The following PCDH15 variants were observed in gnomAD, a reference collection of about 807,000 sequenced individuals.
PCDH15 encodes the protein protocadherin related 15.
PCDH15 carries 129 observed loss-of-function variants against 178.5 expected under a neutral mutation model. The ratio of observed to expected loss-of-function variants is 0.72; its 90% confidence interval spans 0.63 to 0.84. The LOEUF (loss-of-function observed/expected upper bound fraction) is 0.84. Ranked by LOEUF, PCDH15 falls within the 40% of genes least tolerant of loss-of-function variation. The pLI, the probability that PCDH15 is intolerant of heterozygous loss-of-function variation, is 0.00. For synonymous variants in PCDH15, 800 were observed against 732.0 expected, an observed-to-expected ratio of 1.09 and a Z score of -1.50; for missense variants, 2,230 against 2,099.9, an observed-to-expected ratio of 1.06 and a Z score of -1.21.
rs757991365 is a variant in PCDH15 at position 54,066,873 on chromosome 10, T to A, written c.2104A>T (p.Thr702Ser). Reference sequence around the variant, plus strand: ...ACATCTGTCACCACTATGTTTACTGTGGCAGTTGAGGTCTTAAAGAAAAAC... The same window carrying A: ...ACATCTGTCACCACTATGTTTACTGAGGCAGTTGAGGTCTTAAAGAAAAAC... ...DGRPDGTSTA[T>S]VNIVVTDVND... is the part of the protein sequence containing the mutation. Residue 702 changes from threonine to serine, a missense_variant, in exon 18 of 38, where the codon ACA becomes TCA. Coordinates refer to ENST00000644397, the MANE Select transcript of PCDH15 (RefSeq NM_001384140.1). 6.2e-7 allele frequency: 1 copy of A among 1,613,388 alleles called. No individual in the cohort carries two copies. Among genetic ancestry groups the A allele is most frequent in the African/African-American group, 1.3e-5 (1 of 75,032 alleles).
At chr10:54,288,051 T>G (rs2059147705) in intron 8 of PCDH15, among the ~76,000 whole-genome samples, 1 of 152,046 alleles carries the variant, frequency 6.6e-6, no homozygotes, top group Non-Finnish European at 1.5e-5. Flanking sequence ...AGGCCAGGTG[T>G]GGTGGCTCAT....
intron 8 of PCDH15, among the ~76,000 whole-genome samples, chr10:54,273,380 A>G (rs1266855161): frequency 1.1e-5 from 1 of 88,912 alleles, no homozygotes; most frequent in Non-Finnish European, 3.3e-5. Context: ...ACAGTAAAAA[A>G]AAAAAGGTGA....
chr10:54,227,556 G>C (rs995973742), intron 9 of PCDH15, among the ~76,000 whole-genome samples: 1 of 152,170 alleles, frequency 6.6e-6, no homozygotes, highest in Non-Finnish European at 1.5e-5. Flanking sequence ...AAATGTCCTG[G>C]AGACGTTTTT....
At chr10:54,029,396 A>C (rs775912139) in intron 18 of PCDH15, among the ~76,000 whole-genome samples, 4 of 152,240 alleles carry the variant, frequency 2.6e-5, no homozygotes, top group Non-Finnish European at 5.9e-5. Flanking sequence ...GAACAGTAAT[A>C]GCTGCAACTT....
At chr10:55,274,902 G>T (rs1347953727) in intron 1 of PCDH15, among the ~76,000 whole-genome samples, 1 of 152,040 alleles carries the variant, frequency 6.6e-6, no homozygotes, top group African/African-American at 2.4e-5. Flanking sequence ...GATATGACAG[G>T]AGCCAGAGCT....
chr10:55,452,053 T>C (rs567366493), intron 2 of PCDH15, among the ~76,000 whole-genome samples: 3 of 152,322 alleles, frequency 2.0e-5, no homozygotes, highest in Non-Finnish European at 2.9e-5. Flanking sequence ...AAAAATGTTG[T>C]ATATTAGAAA....
intron 34 of PCDH15, 97 bp from the exon 35 acceptor site, chr10:53,816,374 T>C (rs908434728): frequency 1.3e-5 from 5 of 396,700 alleles, no homozygotes; most frequent in African/African-American, 1.0e-4. Flanking sequence ...GGCGACAGTT[T>C]AAAACGTGTT....
In PCDH15 at chr10:54,886,580, G is replaced by A. The variant is rs568330135; in HGVS notation, c.-29+10870C>T. On this transcript the variant is annotated intron_variant, in intron 3 of 5. Coordinates refer to the PCDH15 transcript ENST00000458638. ...AGTTTGAGACCAGCCTGGCCAACGT[G>A]GTAAAACCACATCTCTACCGAAAAT... 1.3e-3 allele frequency among the ~76,000 whole-genome samples: 200 copies of A among 152,272 alleles called. 1 individual carries two copies. Among genetic ancestry groups the A allele is most frequent in the South Asian group, 5.0e-3 (24 of 4,834 alleles).
chr10:54,546,852 T>C (rs2085914869), intron 2 of PCDH15, among the ~76,000 whole-genome samples: 1 of 152,158 alleles, frequency 6.6e-6, no homozygotes, highest in Non-Finnish European at 1.5e-5. Context: ...TCTCCTCAAT[T>C]CATATTTTGA....
intron 1 of PCDH15, among the ~76,000 whole-genome samples, chr10:55,219,414 TG>T (rs1193258343): frequency 6.6e-6 from 1 of 151,948 alleles, no homozygotes; most frequent in African/African-American, 2.4e-5. Flanking sequence ...ACATTAAGGA[TG>T]GCTATATTTT....
chr10:54,305,165 T>C (rs1159005858), intron 8 of PCDH15, among the ~76,000 whole-genome samples: 1 of 152,092 alleles, frequency 6.6e-6, no homozygotes, highest in East Asian at 1.9e-4. Context: ...TAGCCACACA[T>C]AAGCCCCAAC....
Position 53,822,454 on chromosome 10 carries a change from GAGA to G in PCDH15, c.4368-2227_4368-2225del, listed in dbSNP as rs1564534491. On this transcript the variant is annotated intron_variant, in intron 32 of 37. Coordinates refer to ENST00000644397, the MANE Select transcript of PCDH15 (RefSeq NM_001384140.1). ...GCAAGAGGAGCAGGAGCAGGAGGAG[GAGA>G]AGGAGGAGAAATAGGAGGAGGAGGG... 6.9e-6 allele frequency: 11 copies of G among 1,598,998 alleles called. No homozygotes were observed. The East Asian group carries it at 9.2e-5, about 13-fold the overall frequency.
At chr10:55,214,351 A>G (rs1840645850) in intron 1 of PCDH15, among the ~76,000 whole-genome samples, 1 of 151,928 alleles carries the variant, frequency 6.6e-6, no homozygotes, top group African/African-American at 2.4e-5. Flanking sequence ...GAGGTATGAC[A>G]AAGTTTCTAC....
At chr10:54,718,928 G>A (rs7097053) in intron 1 of PCDH15, among the ~76,000 whole-genome samples, 18,518 of 151,316 alleles carry the variant, frequency 0.12, 1,269 homozygotes, top group African/African-American at 0.17. Context: ...AACTCCTGAC[G>A]TCCTGATCCA....
intron 2 of PCDH15, among the ~76,000 whole-genome samples, chr10:54,601,770 T>C (rs887020586): frequency 2.6e-5 from 4 of 152,014 alleles, no homozygotes; most frequent in South Asian, 4.1e-4. Flanking sequence ...GTGGTACATA[T>C]GCACCACGGA....
chr10:55,511,600 T>A (rs562105671), intron 2 of PCDH15, among the ~76,000 whole-genome samples: 247 of 152,156 alleles, frequency 1.6e-3, no homozygotes, highest in African/African-American at 5.7e-3. Flanking sequence ...TTTACTAGGT[T>A]TGTTGAAGAC....
chr10:54,209,776 T>C (rs1057033382), intron 10 of PCDH15, among the ~76,000 whole-genome samples: 1 of 152,072 alleles, frequency 6.6e-6, no homozygotes, highest in African/African-American at 2.4e-5. Flanking sequence ...AACTAGCAAA[T>C]GTCATATGCT....
chr10:54,427,803 T>C (rs1156291352), intron 3 of PCDH15, among the ~76,000 whole-genome samples: 1 of 152,248 alleles, frequency 6.6e-6, no homozygotes, highest in Admixed American at 6.5e-5. Context: ...TAGTAAAAAC[T>C]AAAGAGGGAA....
intron 2 of PCDH15, among the ~76,000 whole-genome samples, chr10:55,000,199 C>G (rs1488309539): frequency 6.6e-6 from 1 of 152,138 alleles, no homozygotes; most frequent in Non-Finnish European, 1.5e-5. Flanking sequence ...GAGACTAGGG[C>G]TTATTTCATC....
Sources: gnomAD v4.1 joint callset for allele counts (sites outside exome capture counted in the v4.1 genomes callset) on GRCh38, gnomAD v4.1.1 for gene constraint, MANE v1.5 for transcripts, NCBI Gene and HGNC (gene_info 2026-07-23, HGNC 2026-07-21) for gene names.